EYA3: variants seen among roughly 807,000 people sequenced by gnomAD.
The protein encoded by EYA3 is EYA transcriptional coactivator and phosphatase 3.
In EYA3, 39 loss-of-function variants were observed where a neutral mutation model predicts 80.0. The ratio of observed to expected loss-of-function variants is 0.49; its 90% CI spans 0.38 to 0.64. The LOEUF is 0.64. Among genes scored for constraint, EYA3 ranks in the 30% least tolerant of loss-of-function variants. The pLI is 0.00. For synonymous variants in EYA3, 206 were observed against 232.8 expected (o/e 0.88, Z 1.05); for missense variants, 523 against 676.1 (o/e 0.77, Z 2.51).
At chr1:28,003,130 C>T (rs1215235529) in intron 11 of EYA3, among the ~76,000 whole-genome samples, 10 of 149,530 alleles carry the variant, frequency 6.7e-5, no homozygotes, top group African/African-American at 1.2e-4. Flanking sequence ...ATTAGCTGGG[C>T]GTGGTGGCAG....
chr1:28,011,108 T>A, intron 9 of EYA3, 22 bp from the exon 10 acceptor site: 1 of 1,608,240 alleles, frequency 6.2e-7, no homozygotes, highest in African/African-American at 1.3e-5. Context: ...AAGTGAAACA[T>A]ATGTTGTCAG....
At chr1:28,035,477 G>A in intron 6 of EYA3, 67 bp downstream of exon 6, 5 of 1,566,064 alleles carry the variant, frequency 3.2e-6, no homozygotes, top group Non-Finnish European at 4.4e-6. Context: ...AATGATGCAT[G>A]GCTGATCAAA....
At chr1:28,067,232 G>A (rs988071728) in intron 1 of EYA3, among the ~76,000 whole-genome samples, 7 of 152,156 alleles carry the variant, frequency 4.6e-5, no homozygotes, top group Non-Finnish European at 8.8e-5. Flanking sequence ...TTTAAAAATA[G>A]TATAAGTTTG....
In EYA3 at chr1:28,006,779, G is replaced by GA. The variant is rs201126682; in HGVS notation, c.910-2361dup. The stretch of plus-strand genomic sequence containing the variant: ...GTACCACACCTAGTGGTGAAAGACT[G>GA]AAAGTTTTACTCCTGAGACAAGGAT... On this transcript the variant is annotated intron_variant, in intron 10 of 17. Transcript: ENST00000373871. 6.9e-3 allele frequency among the ~76,000 whole-genome samples: 1,057 copies of GA among 152,116 alleles called. 5 individuals are homozygous for GA. The highest frequency in any genetic ancestry group is 0.011 in the Non-Finnish European group (724 of 67,990).
intron 1 of EYA3, among the ~76,000 whole-genome samples, chr1:28,077,483 G>A (rs569241563): frequency 1.3e-5 from 2 of 152,246 alleles, no homozygotes; most frequent in East Asian, 1.9e-4. Context: ...TTAAGAAGGA[G>A]GAGGTTAACC....
intron 7 of EYA3, among the ~76,000 whole-genome samples, chr1:28,022,582 C>T (rs890185689): frequency 6.6e-6 from 1 of 152,110 alleles, no homozygotes; most frequent in Non-Finnish European, 1.5e-5. Context: ...ATACAGATTA[C>T]GACATACAGA....
chr1:28,006,510 T>C (rs1457485337), intron 10 of EYA3, among the ~76,000 whole-genome samples: 5 of 151,932 alleles, frequency 3.3e-5, no homozygotes, highest in Non-Finnish European at 7.4e-5. Context: ...ATAGAGACCA[T>C]CCTCGCTAAC....
chr1:27,981,626 GAA>G (rs773118022), intron 16 of EYA3, among the ~76,000 whole-genome samples: 3 of 151,938 alleles, frequency 2.0e-5, no homozygotes, highest in Non-Finnish European at 4.4e-5. Flanking sequence ...CAAAAAATAG[GAA>G]AAGTTAGGCA....
At chr1:28,010,413 CAG>C (rs1641606961) in intron 10 of EYA3, among the ~76,000 whole-genome samples, 1 of 152,108 alleles carries the variant, frequency 6.6e-6, no homozygotes, top group African/African-American at 2.4e-5. Flanking sequence ...CTTTTTGAGA[CAG>C]AGTCTCACTC....
intron 16 of EYA3, among the ~76,000 whole-genome samples, chr1:27,987,099 T>C (rs1197522493): frequency 6.6e-6 from 1 of 152,214 alleles, no homozygotes; most frequent in African/African-American, 2.4e-5. Flanking sequence ...TCTATACCCG[T>C]TGAACAATTC....
chr1:28,044,970 T>C (rs145214994), intron 3 of EYA3, among the ~76,000 whole-genome samples: 131 of 152,200 alleles, frequency 8.6e-4, no homozygotes, highest in African/African-American at 3.1e-3. Flanking sequence ...TAGGGTTTCA[T>C]CATGTTGCCC....
At chr1:28,000,138 C>A in intron 11 of EYA3, 89 bp from the exon 12 acceptor site, 1 of 795,240 alleles carries the variant, frequency 1.3e-6, no homozygotes. Flanking sequence ...TAGGTCAAGG[C>A]CAAAACACAC....
At chr1:28,080,544 TTC>T (rs143201831) in intron 1 of EYA3, among the ~76,000 whole-genome samples, 3,867 of 152,188 alleles carry the variant, frequency 0.025, 55 homozygotes, top group Non-Finnish European at 0.037. Flanking sequence ...TTCAAGAAAC[TTC>T]TGTTTCGATT....
At chr1:28,041,310 G>A (rs180836588) in intron 4 of EYA3, among the ~76,000 whole-genome samples, 65 of 152,308 alleles carry the variant, frequency 4.3e-4, no homozygotes, top group Non-Finnish European at 8.1e-4. Flanking sequence ...GTTGCAGTGA[G>A]CGGAGATCTT....
At chr1:28,087,706 C>T (rs1645712832) in intron 1 of EYA3, among the ~76,000 whole-genome samples, 1 of 152,248 alleles carries the variant, frequency 6.6e-6, no homozygotes, top group Non-Finnish European at 1.5e-5. Context: ...CACATCCATT[C>T]TCATGGGAAC....
At position 28,013,206 on chromosome 1, in the gene EYA3, C is replaced by T; in HGVS notation, c.674G>A (p.Ser225Asn). Residue 225 changes from serine to asparagine, a missense_variant, in exon 9 of 18, where the codon AGT becomes AAT. Around this residue, in one of 2 missense-constraint regions of EYA3, gnomAD observed 304 missense variants for 343.3 expected, o/e 0.89. Transcript: ENST00000373871. This position sits in a 1 kb window ranked among gnomAD's most constrained non-coding sequence, Gnocchi z 4.0. Reference sequence around the variant, plus strand: ...TGCTAATGTGGTGCTCTCTGCATCACTGTTAGTCTGACCTGTGACTCCAAA... The same window carrying T: ...TGCTAATGTGGTGCTCTCTGCATCATTGTTAGTCTGACCTGTGACTCCAAA... ...SSFGVTGQTN[S>N]DAESTTLAAT... 1 of 1,614,118 alleles carries T rather than the reference C, an allele frequency of 6.2e-7. No individual in the cohort carries two copies. The highest frequency in any genetic ancestry group is 8.5e-7 in the Non-Finnish European group (1 of 1,180,000).
At chr1:28,050,422 G>A (rs893472753) in intron 2 of EYA3, among the ~76,000 whole-genome samples, 7 of 151,828 alleles carry the variant, frequency 4.6e-5, no homozygotes, top group Admixed American at 3.3e-4. Flanking sequence ...GGATGGTTTC[G>A]AACTCCTGGC....
At chr1:28,038,157 C>T (rs562030118) in intron 5 of EYA3, among the ~76,000 whole-genome samples, 17 of 152,116 alleles carry the variant, frequency 1.1e-4, no homozygotes, top group Non-Finnish European at 2.2e-4. Context: ...AGAAACTGAA[C>T]ACAGGCTGGG....
intron 7 of EYA3, among the ~76,000 whole-genome samples, chr1:28,022,846 A>G (rs1175939553): frequency 6.6e-6 from 1 of 152,028 alleles, no homozygotes; most frequent in Non-Finnish European, 1.5e-5. Flanking sequence ...CTCCCCAAGT[A>G]GCTGGGACTA....
Sources: gnomAD v4.1 joint callset for allele counts (sites outside exome capture counted in the v4.1 genomes callset) on GRCh38, gnomAD v4.1.1 for gene constraint, gnomAD v4.1.1 regional missense constraint, Gnocchi (gnomAD v3.1) non-coding constraint, MANE v1.5 for transcripts, NCBI Gene and HGNC (gene_info 2026-07-23, HGNC 2026-07-21) for gene names.